Variants in TCERG1L observed in about 807,000 individuals in gnomAD.
TCERG1L encodes the protein transcription elongation regulator 1-like protein.
TCERG1L carries 37 observed loss-of-function variants against 56.3 expected under a neutral mutation model. That is an observed-to-expected ratio of 0.66 (90% CI 0.51 to 0.87). The LOEUF (loss-of-function observed/expected upper bound fraction) is 0.87. Among genes scored for constraint, TCERG1L ranks in the 40% least tolerant of loss-of-function variants. TCERG1L has a pLI of 0.00. For synonymous variants in TCERG1L, 324 were observed against 326.3 expected (o/e 0.99, Z 0.08); for missense variants, 799 against 774.2 (o/e 1.03, Z -0.38).
chr10:131,308,225 G>A lies in TCERG1L; in HGVS notation c.656C>T (p.Pro219Leu). 6.2e-7 allele frequency: 1 copy of A among 1,612,690 alleles called. No individual in the cohort carries two copies. Among genetic ancestry groups the A allele is most frequent in the Non-Finnish European group, 8.5e-7 (1 of 1,179,452 alleles). ...TGGGCACCAACCTGGGATGGGCTGA[G>A]GTGCTAACACCACCGTGGGGAGCGG... The part of the protein sequence containing the change: ...SRPLPTVVLA[P>L]QPIPGGCHNS... Residue 219 changes from proline (P) to leucine (L), a missense_variant, in exon 3 of 12, where the codon CCT becomes CTT. Pro to Leu is a moderately conservative substitution (Grantham distance 98). Transcript: ENST00000368642.
chr10:131,245,409 A>T (rs1183934306), intron 4 of TCERG1L, among the ~76,000 whole-genome samples: 2 of 118,174 alleles, frequency 1.7e-5, no homozygotes, highest in African/African-American at 5.0e-5. Flanking sequence ...TTAAAATAAT[A>T]ATTTTTTTTT....
intron 3 of TCERG1L, among the ~76,000 whole-genome samples, chr10:131,296,097 C>T (rs1846686647): frequency 6.6e-6 from 1 of 151,896 alleles, no homozygotes; most frequent in Non-Finnish European, 1.5e-5. Flanking sequence ...TTTCAAAGAC[C>T]AACAGCTTTT....
intron 3 of TCERG1L, among the ~76,000 whole-genome samples, chr10:131,295,781 A>T (rs1009131416): frequency 6.6e-6 from 1 of 152,144 alleles, no homozygotes; most frequent in Admixed American, 6.5e-5. Flanking sequence ...TATATATTAC[A>T]TTGTTGTCAT....
intron 6 of TCERG1L, among the ~76,000 whole-genome samples, chr10:131,152,858 G>A (rs1845880295): frequency 6.6e-6 from 1 of 152,204 alleles, no homozygotes; most frequent in Non-Finnish European, 1.5e-5. Flanking sequence ...GAGAGAATGA[G>A]TGCCAGCATA....
intron 4 of TCERG1L, among the ~76,000 whole-genome samples, chr10:131,233,676 T>C (rs1004311204): frequency 3.3e-5 from 5 of 152,252 alleles, no homozygotes; most frequent in African/African-American, 1.2e-4. Flanking sequence ...CAAAAATATA[T>C]TGCAGTGAAA....
intron 3 of TCERG1L, among the ~76,000 whole-genome samples, chr10:131,281,469 A>G (rs757247901): frequency 7.2e-5 from 11 of 152,182 alleles, no homozygotes; most frequent in Non-Finnish European, 1.2e-4. Flanking sequence ...ACTTTCCTCA[A>G]GAGTGAGCAC....
intron 4 of TCERG1L, among the ~76,000 whole-genome samples, chr10:131,254,691 C>T (rs975667816): frequency 6.6e-6 from 1 of 151,980 alleles, no homozygotes; most frequent in Non-Finnish European, 1.5e-5. Flanking sequence ...ACGGCAGTGC[C>T]GAGGGGCTGG....
rs186714085 is a variant in TCERG1L at position 131,140,760 on chromosome 10, C to T, written c.1189+5746G>A. On this transcript the variant is annotated intron_variant, in intron 7 of 11. Coordinates refer to ENST00000368642, the MANE Select transcript of TCERG1L (RefSeq NM_174937.4). ...AGGCAAACAAGGGCGGGCACCAGGA[C>T]GAGATGGAGAGCCGGAGCCCTTGGT... 1.5e-4 allele frequency among the ~76,000 whole-genome samples: 23 copies of T among 152,280 alleles called. No individual in the cohort carries two copies. In the East Asian group the frequency reaches 2.3e-3, roughly 15 times the overall value.
At chr10:131,196,943 G>A (rs1845370881) in intron 4 of TCERG1L, among the ~76,000 whole-genome samples, 1 of 152,178 alleles carries the variant, frequency 6.6e-6, no homozygotes, top group Non-Finnish European at 1.5e-5. Flanking sequence ...CCCCTAAAAT[G>A]AAAGGCAGAA....
Position 131,311,260 on chromosome 10 carries a change from C to T in TCERG1L, c.342+34G>A. Reference sequence around the variant, plus strand: ...GCGCGCCCAGGAGCAGGGGAGACGGCGACCCGGGCCGAGGCGGGACGGGGA... The same window carrying T: ...GCGCGCCCAGGAGCAGGGGAGACGGTGACCCGGGCCGAGGCGGGACGGGGA... On this transcript the variant is annotated intron_variant, in intron 1 of 11. Coordinates refer to ENST00000368642, the MANE Select transcript of TCERG1L (RefSeq NM_174937.4). This position sits in a 1 kb window ranked among gnomAD's most constrained non-coding sequence, Gnocchi z 4.0. 2 of 1,194,374 alleles carry T rather than the reference C, an allele frequency of 1.7e-6. No homozygotes were observed. Among genetic ancestry groups the T allele is most frequent in the Non-Finnish European group, 2.1e-6 (2 of 962,972 alleles). 74.0% of individuals were successfully genotyped at this position (1,194,374 alleles called of 1,614,324 possible).
Position 131,139,740 on chromosome 10 carries a change from C to T in TCERG1L, c.1190-5292G>A, listed in dbSNP as rs189707416. On this transcript the variant is annotated intron_variant, in intron 7 of 11. Transcript: ENST00000368642. ...TGTGTATGTGTGCCTGTGTATGTGTCTGTATGTGTACATGTGTGTTTCTGT... is the reference window on the plus strand; with the variant it reads ...TGTGTATGTGTGCCTGTGTATGTGTTTGTATGTGTACATGTGTGTTTCTGT... 6.4e-4 allele frequency among the ~76,000 whole-genome samples: 96 copies of T among 149,550 alleles called. 1 individual carries two copies. The South Asian group carries it at 0.011, about 17-fold the overall frequency.
chr10:131,249,391 T>C (rs1163140200), intron 4 of TCERG1L, among the ~76,000 whole-genome samples: 1 of 150,950 alleles, frequency 6.6e-6, no homozygotes, highest in South Asian at 2.1e-4. Context: ...TATAGGGGCT[T>C]CCACAGCCCT....
intron 7 of TCERG1L, among the ~76,000 whole-genome samples, chr10:131,137,192 C>A (rs1845685395): frequency 6.6e-6 from 1 of 152,044 alleles, no homozygotes; most frequent in Non-Finnish European, 1.5e-5. Context: ...CCTGGGCACC[C>A]TGCTCCCTGC....
intron 4 of TCERG1L, among the ~76,000 whole-genome samples, chr10:131,214,984 T>C (rs1407709556): frequency 1.3e-5 from 2 of 152,198 alleles, no homozygotes; most frequent in African/African-American, 2.4e-5. Context: ...GTTTCTGCCC[T>C]CACTCACAGG....
chr10:131,119,355 C>T (rs546679203), intron 8 of TCERG1L, among the ~76,000 whole-genome samples: 54 of 152,294 alleles, frequency 3.5e-4, no homozygotes, highest in Admixed American at 9.2e-4. Flanking sequence ...TTTATAGACC[C>T]ACTATTCCAG....
At chr10:131,231,789 C>T (rs1035312400) in intron 4 of TCERG1L, among the ~76,000 whole-genome samples, 5 of 152,220 alleles carry the variant, frequency 3.3e-5, no homozygotes, top group Admixed American at 2.6e-4. Context: ...AAAAAAAGAC[C>T]GGGACAGCTG....
intron 4 of TCERG1L, among the ~76,000 whole-genome samples, chr10:131,251,573 C>T (rs980024265): frequency 2.0e-5 from 3 of 152,120 alleles, no homozygotes; most frequent in Admixed American, 1.3e-4. Context: ...GCCAGATATC[C>T]GGTCGCTGGA....
At chr10:131,277,800 G>C (rs1846408542) in intron 3 of TCERG1L, among the ~76,000 whole-genome samples, 2 of 152,182 alleles carry the variant, frequency 1.3e-5, no homozygotes. Context: ...AAGGTGCCCG[G>C]AGGAGGGCAC....
rs1165904518 is a variant in TCERG1L, at chr10:131,254,327, T to C, written c.856+5932A>G. The stretch of plus-strand genomic sequence containing the variant: ...AATATATATATATATATATAGTAAG[T>C]ATTGATTTATTTATTTATTTTTATT... On this transcript the variant is annotated intron_variant, in intron 4 of 11. Coordinates refer to ENST00000368642, the MANE Select transcript of TCERG1L (RefSeq NM_174937.4). Among the ~76,000 whole-genome samples, 12 of 123,482 alleles carry C rather than the reference T, an allele frequency of 9.7e-5. No individual in the cohort carries two copies. In the East Asian group the frequency reaches 2.4e-3, roughly 25 times the overall value. The allele number at this position is 123,482 out of a possible 152,430, so 81.0% of individuals were successfully genotyped here. A position where few individuals can be genotyped will look rare whatever the true frequency, so the allele number is the denominator to read the frequency against.
Sources: gnomAD v4.1 joint callset for allele counts (sites outside exome capture counted in the v4.1 genomes callset) on GRCh38, gnomAD v4.1.1 for gene constraint, Gnocchi (gnomAD v3.1) non-coding constraint, MANE v1.5 for transcripts, NCBI Gene and HGNC (gene_info 2026-07-23, HGNC 2026-07-21) for gene names.